Variants in HDAC4 observed in about 807,000 individuals in gnomAD.
The protein encoded by HDAC4 is histone deacetylase 4.
HDAC4 carries 16 observed loss-of-function variants against 135.1 expected under a neutral mutation model. The ratio of observed to expected loss-of-function variants is 0.12; its 90% CI spans 0.08 to 0.18. The LOEUF is 0.18. Among genes scored for constraint, HDAC4 ranks in the 10% least tolerant of loss-of-function variants. The probability of loss-of-function intolerance (pLI) is 1.00; values close to 1 mark genes in which losing one functional copy is unlikely to be tolerated. For synonymous variants in HDAC4, 685 were observed against 653.4 expected (o/e 1.05, Z -0.74); for missense variants, 1,143 against 1,511.8 (o/e 0.76, Z 4.05).
At chr2:239,327,381 G>A (rs947823043) in intron 2 of HDAC4, among the ~76,000 whole-genome samples, 2 of 152,202 alleles carry the variant, frequency 1.3e-5, no homozygotes, top group Admixed American at 1.3e-4. Context: ...CTGGGGCCCA[G>A]GTCCCCTGCC....
intron 2 of HDAC4, among the ~76,000 whole-genome samples, chr2:239,346,281 T>C (rs1692660336): frequency 2.1e-5 from 3 of 141,244 alleles, no homozygotes; most frequent in Admixed American, 7.0e-5. Context: ...CTAACACACA[T>C]ACCACACCCT....
intron 3 of HDAC4, among the ~76,000 whole-genome samples, chr2:239,200,146 C>A (rs187478640): frequency 6.6e-6 from 1 of 152,158 alleles, no homozygotes; most frequent in Non-Finnish European, 1.5e-5. Flanking sequence ...TTGGGACTTA[C>A]GAACTATCGA....
intron 2 of HDAC4, among the ~76,000 whole-genome samples, chr2:239,320,479 G>A (rs993613931): frequency 4.0e-5 from 6 of 151,034 alleles, no homozygotes; most frequent in African/African-American, 1.5e-4. Flanking sequence ...AGTGACAAAT[G>A]ACATAGGTAA....
chr2:239,171,479 A>G (rs1228061260), intron 5 of HDAC4, among the ~76,000 whole-genome samples: 1 of 152,222 alleles, frequency 6.6e-6, no homozygotes, highest in Non-Finnish European at 1.5e-5. Flanking sequence ...ACAAAGACAC[A>G]AAAATAACTT....
At chr2:239,378,474 C>A (rs1244516607) in intron 1 of HDAC4, among the ~76,000 whole-genome samples, 2 of 152,172 alleles carry the variant, frequency 1.3e-5, no homozygotes, top group Non-Finnish European at 2.9e-5. Flanking sequence ...ACGTGCACCA[C>A]CCAGATGGCA....
chr2:239,399,173 T>C (rs573980933), intron 1 of HDAC4, among the ~76,000 whole-genome samples: 1 of 152,298 alleles, frequency 6.6e-6, no homozygotes, highest in African/African-American at 2.4e-5. Context: ...ATTTTAGAAT[T>C]CACAAGAGCT....
intron 1 of HDAC4, among the ~76,000 whole-genome samples, chr2:239,367,427 C>G (rs1018469369): frequency 6.6e-6 from 1 of 152,134 alleles, no homozygotes; most frequent in Non-Finnish European, 1.5e-5. Flanking sequence ...TATTCAGTTT[C>G]AAATGAGTAA....
intron 2 of HDAC4, among the ~76,000 whole-genome samples, chr2:239,344,149 G>A (rs761128881): frequency 1.3e-5 from 2 of 152,120 alleles, no homozygotes; most frequent in Middle Eastern, 3.2e-3. Context: ...AGGCAGCCAC[G>A]CACCTGCACA....
Position 239,052,161 on chromosome 2 carries a change from C to T in HDAC4, c.*936G>A, listed in dbSNP as rs2030951983. On this transcript the variant is annotated 3_prime_UTR_variant, in exon 27 of 27. Coordinates refer to ENST00000543185, the MANE Select transcript of HDAC4 (RefSeq NM_001378414.1). ...CTTCAAAACCTCCAACGGGATTTGC[C>T]ACTTTTTTGGAACTACCTCCATTTT... 1 of 152,446 alleles carries T rather than the reference C, an allele frequency of 6.6e-6. No homozygotes were observed. The highest frequency in any genetic ancestry group is 1.5e-5 in the Non-Finnish European group (1 of 68,028). 9.4% of individuals were successfully genotyped at this position (152,446 alleles called of 1,614,324 possible).
chr2:239,313,513 C>T lies in HDAC4; in HGVS notation c.22+39165G>A, dbSNP rs986575060. ...CCGCAGGCTGGACTCTTCCTAACCT[C>T]ACGAGAGGTGATGACCGGAATCATC... On this transcript the variant is annotated intron_variant, in intron 2 of 26. Transcript: ENST00000543185. The surrounding 1 kb of genome is among the most constrained non-coding windows in gnomAD (Gnocchi z 5.1). 6.6e-6 allele frequency among the ~76,000 whole-genome samples: 1 copy of T among 152,166 alleles called. No individual in the cohort carries two copies. Among genetic ancestry groups the T allele is most frequent in the Admixed American group, 6.5e-5 (1 of 15,276 alleles).
chr2:239,094,378 A>T (rs1407376708), intron 17 of HDAC4: 1 of 985,288 alleles, frequency 1.0e-6, no homozygotes, highest in Non-Finnish European at 1.2e-6. Flanking sequence ...GTCCTTGTGA[A>T]CTTATGCGCC....
intron 1 of HDAC4, among the ~76,000 whole-genome samples, chr2:239,382,495 T>G (rs1370926338): frequency 2.6e-5 from 4 of 152,242 alleles, no homozygotes; most frequent in African/African-American, 9.6e-5. Context: ...ACTTTGTGCC[T>G]TTCTGATCAT....
In HDAC4 at chr2:239,139,543, G is replaced by T; in HGVS notation, c.978+141C>A. The T allele has an allele frequency of 1.2e-6, 1 of 800,072 alleles. No homozygotes were observed. 49.6% of individuals were successfully genotyped at this position (800,072 alleles called of 1,614,324 possible). ...GTAACCTCCAACTGCGTCCTTTTTA[G>T]GATGGCTCACAGGCCACTTTCCCTC... On this transcript the variant is annotated intron_variant, in intron 9 of 26. Transcript: ENST00000543185. The surrounding 1 kb of genome is among the most constrained non-coding windows in gnomAD (Gnocchi z 5.3).
At chr2:239,160,895 C>T (rs550175878) in intron 6 of HDAC4, among the ~76,000 whole-genome samples, 16 of 152,342 alleles carry the variant, frequency 1.1e-4, no homozygotes, top group African/African-American at 3.4e-4. Flanking sequence ...TGTTTTCCCA[C>T]GTGTGATTCA....
intron 2 of HDAC4, among the ~76,000 whole-genome samples, chr2:239,348,556 A>G (rs1022792819): frequency 2.0e-5 from 3 of 152,204 alleles, no homozygotes; most frequent in Non-Finnish European, 4.4e-5. Context: ...GGAGAAAAAA[A>G]AGGAGGCGTA....
At chr2:239,338,189 C>T (rs578089857) in intron 2 of HDAC4, among the ~76,000 whole-genome samples, 3 of 152,298 alleles carry the variant, frequency 2.0e-5, no homozygotes, top group African/African-American at 7.2e-5. Flanking sequence ...TGTTTTATCT[C>T]AGTCCCAAAA....
chr2:239,304,001 A>C (rs533563343), intron 2 of HDAC4, among the ~76,000 whole-genome samples: 2 of 152,304 alleles, frequency 1.3e-5, no homozygotes, highest in South Asian at 4.1e-4. Context: ...GAGCCCCTGG[A>C]GTGCCCTGTG....
intron 22 of HDAC4, among the ~76,000 whole-genome samples, chr2:239,070,674 G>A (rs1169376359): frequency 6.6e-6 from 1 of 152,248 alleles, no homozygotes; most frequent in East Asian, 1.9e-4. Flanking sequence ...CAGGTGGTCT[G>A]GTGTCTTCCT....
intron 2 of HDAC4, among the ~76,000 whole-genome samples, chr2:239,340,369 T>C (rs935665600): frequency 2.0e-5 from 3 of 152,154 alleles, no homozygotes; most frequent in African/African-American, 7.2e-5. Context: ...ACAATTCAAC[T>C]GTTCTCAGAA....
Sources: allele counts gnomAD v4.1 joint callset (sites outside exome capture counted in the v4.1 genomes callset), GRCh38; gene constraint gnomAD v4.1.1; non-coding constraint Gnocchi (gnomAD v3.1); transcripts MANE v1.5; gene names NCBI Gene and HGNC (gene_info 2026-07-23, HGNC 2026-07-21).